Variants in CDH23 observed in about 807,000 individuals in gnomAD.
CDH23 encodes cadherin-23.
CDH23 carries 189 observed loss-of-function variants against 317.1 expected under a neutral mutation model. The observed-to-expected ratio is 0.60, with a 90% CI of 0.53 to 0.67. The LOEUF (loss-of-function observed/expected upper bound fraction) is 0.67, where lower values mean the gene tolerates loss of function less well. Ranked by LOEUF, CDH23 falls within the 30% of genes least tolerant of loss-of-function variation. CDH23 has a pLI of 0.00. For missense variants in CDH23, 4,401 were observed against 4,592.4 expected, an observed-to-expected ratio of 0.96 and a Z score of 1.20; for synonymous variants, 1,839 against 1,876.8, an observed-to-expected ratio of 0.98 and a Z score of 0.52.
At chr10:71,527,271 T>C (rs924453463) in intron 6 of CDH23, among the ~76,000 whole-genome samples, 13 of 152,250 alleles carry the variant, frequency 8.5e-5, no homozygotes, top group Admixed American at 8.5e-4. Flanking sequence ...CCCTGCCTCC[T>C]TCTGTCCCGG....
intron 3 of CDH23, among the ~76,000 whole-genome samples, chr10:71,489,318 T>TTCAATTCAC (rs1231178981): frequency 1.3e-5 from 2 of 152,346 alleles, no homozygotes; most frequent in African/African-American, 4.8e-5. Flanking sequence ...AATTTTACCT[T>TTCAATTCAC]TCAATTCACT....
At chr10:71,699,216 G>A (rs1184281661) in intron 22 of CDH23, among the ~76,000 whole-genome samples, 3 of 152,286 alleles carry the variant, frequency 2.0e-5, no homozygotes, top group Non-Finnish European at 4.4e-5. Flanking sequence ...GTTGAGGACT[G>A]ATACAGCTGG....
intron 3 of CDH23, among the ~76,000 whole-genome samples, chr10:71,484,558 C>T (rs950427304): frequency 6.6e-6 from 1 of 152,282 alleles, no homozygotes; most frequent in Admixed American, 6.5e-5. Flanking sequence ...CTTTCAGCCG[C>T]GTGCAGGACT....
chr10:71,678,915 G>T (rs887398635), intron 16 of CDH23, among the ~76,000 whole-genome samples: 1 of 152,182 alleles, frequency 6.6e-6, no homozygotes, highest in African/African-American at 2.4e-5. Flanking sequence ...GAAGCTGACG[G>T]TCTAAGTGAG....
At chr10:71,628,387 A>T (rs1861848223) in intron 11 of CDH23, among the ~76,000 whole-genome samples, 1 of 152,168 alleles carries the variant, frequency 6.6e-6, no homozygotes, top group African/African-American at 2.4e-5. Flanking sequence ...GCAAAGTGTC[A>T]CAGTTGTGCT....
At chr10:71,483,079 G>A (rs999231108) in intron 3 of CDH23, among the ~76,000 whole-genome samples, 7 of 152,226 alleles carry the variant, frequency 4.6e-5, no homozygotes, top group Admixed American at 2.6e-4. Context: ...CCTGGCGGAT[G>A]GAGGCAGGGG....
chr10:71,479,347 C>T (rs1851952873), intron 3 of CDH23, among the ~76,000 whole-genome samples: 2 of 152,156 alleles, frequency 1.3e-5, no homozygotes, highest in Admixed American at 1.3e-4. Context: ...CTCAGGGAAC[C>T]CGCAGTGTGG....
At position 71,729,840 on chromosome 10, in the gene CDH23, A is replaced by AT. The variant is rs111460455; in HGVS notation, c.3580-617dup. ...AGTGTGAACTATTTTATTATTATTA[A>AT]TTTTTTTTTTTTGAGATGGAGTCTC... On this transcript the variant is annotated intron_variant, in intron 30 of 69. Coordinates refer to ENST00000224721, the MANE Select transcript of CDH23 (RefSeq NM_022124.6). Among the ~76,000 whole-genome samples, 1,126 of 147,086 alleles carry AT rather than the reference A, an allele frequency of 7.7e-3. 14 individuals are homozygous for AT. The highest frequency in any genetic ancestry group is 0.024 in the African/African-American group (973 of 40,266).
chr10:71,409,183 G>A (rs553516054), intron 1 of CDH23, among the ~76,000 whole-genome samples: 2 of 152,314 alleles, frequency 1.3e-5, no homozygotes, highest in South Asian at 2.1e-4. Flanking sequence ...TGACCAAGGG[G>A]CCCTGTTTGA....
intron 6 of CDH23, 87 bp downstream of exon 6, chr10:71,511,299 A>C (rs2132201320): frequency 1.6e-6 from 2 of 1,241,154 alleles, no homozygotes; most frequent in Admixed American, 3.4e-5. Context: ...TCAGGTGGGG[A>C]GAGCAGCTGT....
chr10:71,501,770 T>TG (rs974105769), intron 3 of CDH23, among the ~76,000 whole-genome samples: 6 of 152,306 alleles, frequency 3.9e-5, no homozygotes, highest in Non-Finnish European at 7.4e-5. Flanking sequence ...GCTCAGGCTC[T>TG]GGGGAGCCCA....
chr10:71,526,729 A>T (rs1231636291), intron 6 of CDH23, among the ~76,000 whole-genome samples: 5 of 152,192 alleles, frequency 3.3e-5, no homozygotes, highest in Non-Finnish European at 7.3e-5. Flanking sequence ...ACGATCATGG[A>T]GACTGCATGC....
intron 3 of CDH23, among the ~76,000 whole-genome samples, chr10:71,454,019 A>C (rs1850573937): frequency 6.6e-6 from 1 of 152,206 alleles, no homozygotes; most frequent in Admixed American, 6.5e-5. Flanking sequence ...GGAGGTAGAC[A>C]GTGGGGGTGT....
intron 44 of CDH23, 99 bp from the exon 45 acceptor site, chr10:71,788,841 C>T (rs1443518985): frequency 1.4e-6 from 1 of 709,978 alleles, no homozygotes; most frequent in Non-Finnish European, 2.6e-6. Context: ...GATCATCCAC[C>T]TCTGTGCCCC....
chr10:71,409,051 C>T (rs190567051), intron 1 of CDH23, among the ~76,000 whole-genome samples: 119 of 152,340 alleles, frequency 7.8e-4, no homozygotes, highest in Non-Finnish European at 1.3e-3. Context: ...GTTTGCTGAA[C>T]TGGATATCAG....
chr10:71,539,380 T>C (rs576952058), intron 6 of CDH23, among the ~76,000 whole-genome samples: 101 of 152,214 alleles, frequency 6.6e-4, no homozygotes, highest in Non-Finnish European at 1.3e-3. Flanking sequence ...ACCAAGTCTT[T>C]GGAATAAAAA....
chr10:71,540,117 A>G (rs962129677), intron 6 of CDH23, among the ~76,000 whole-genome samples: 2 of 152,194 alleles, frequency 1.3e-5, no homozygotes, highest in Non-Finnish European at 2.9e-5. Flanking sequence ...TGTGGGGCAT[A>G]GGCCATCTCA....
chr10:71,403,241 C>T (rs1479336188), intron 1 of CDH23, among the ~76,000 whole-genome samples: 1 of 152,138 alleles, frequency 6.6e-6, no homozygotes, highest in Non-Finnish European at 1.5e-5. Flanking sequence ...TGTTCCCAAT[C>T]AACAGTTGAA....
intron 38 of CDH23, among the ~76,000 whole-genome samples, chr10:71,758,934 A>T (rs191915223): frequency 6.6e-4 from 100 of 151,758 alleles, no homozygotes; most frequent in African/African-American, 2.3e-3. Context: ...CAGTGGTGTG[A>T]TCTCGGCTCA....
Sources: gnomAD v4.1 joint callset for allele counts (sites outside exome capture counted in the v4.1 genomes callset) on GRCh38, gnomAD v4.1.1 for gene constraint, MANE v1.5 for transcripts, NCBI Gene and HGNC (gene_info 2026-07-23, HGNC 2026-07-21) for gene names.